The following SLC8A1 variants were observed in gnomAD, a reference collection of about 807,000 sequenced individuals.
The protein encoded by SLC8A1 is sodium/calcium exchanger 1.
In SLC8A1, 18 loss-of-function variants were observed where a neutral mutation model predicts 68.3. The observed-to-expected ratio is 0.26, with a 90% CI of 0.18 to 0.39. The LOEUF is 0.39. Ranked by LOEUF, SLC8A1 falls within the 10% of genes least tolerant of loss-of-function variation. The pLI, the probability that SLC8A1 is intolerant of heterozygous loss-of-function variation, is 1.00. For synonymous variants in SLC8A1, 475 were observed against 415.5 expected (o/e 1.14, Z -1.74); for missense variants, 985 against 1,156.7 (o/e 0.85, Z 2.15).
chr2:40,469,535 G>A (rs1703888502), intron 1 of SLC8A1, among the ~76,000 whole-genome samples: 2 of 152,240 alleles, frequency 1.3e-5, no homozygotes, highest in Non-Finnish European at 1.5e-5. Context: ...TAATAGCAAT[G>A]TGAAAACAGA....
intron 2 of SLC8A1, among the ~76,000 whole-genome samples, chr2:40,273,979 G>C (rs371670677): frequency 6.6e-6 from 1 of 151,128 alleles, no homozygotes. Flanking sequence ...GCGGCATGTC[G>C]GTGTTTATGC....
intron 1 of SLC8A1, 102 bp downstream of exon 1, chr2:40,451,802 G>T: frequency 6.6e-6 from 1 of 151,604 alleles, no homozygotes; most frequent in Admixed American, 6.7e-5. Flanking sequence ...GAAGCCGCTC[G>T]TTTGCCAAAG....
At chr2:40,194,670 G>A (rs947033487) in intron 2 of SLC8A1, among the ~76,000 whole-genome samples, 7 of 151,994 alleles carry the variant, frequency 4.6e-5, no homozygotes, top group Admixed American at 1.3e-4. Flanking sequence ...CCAGTTCCTC[G>A]CCCTTCTTTG....
At chr2:40,482,716 G>A (rs1704709701) in intron 1 of SLC8A1, among the ~76,000 whole-genome samples, 1 of 151,692 alleles carries the variant, frequency 6.6e-6, no homozygotes, top group Non-Finnish European at 1.5e-5. Flanking sequence ...GCCACTTATA[G>A]ACACTTCCTG....
intron 2 of SLC8A1, among the ~76,000 whole-genome samples, chr2:40,218,773 A>G (rs1172443792): frequency 6.6e-6 from 1 of 151,716 alleles, no homozygotes; most frequent in African/African-American, 2.4e-5. Context: ...AGATTGGTAG[A>G]CCTGTTTCTT....
intron 2 of SLC8A1, among the ~76,000 whole-genome samples, chr2:40,310,928 T>C (rs1014994783): frequency 1.3e-5 from 2 of 152,332 alleles, no homozygotes; most frequent in Non-Finnish European, 2.9e-5. Context: ...AAGAAAAGTT[T>C]GATGTTCTTT....
chr2:40,460,809 G>C (rs1294555224), intron 1 of SLC8A1, among the ~76,000 whole-genome samples: 2 of 152,104 alleles, frequency 1.3e-5, no homozygotes, highest in Non-Finnish European at 2.9e-5. Context: ...CTGACCTCAG[G>C]TGATCTGCCC....
At chr2:40,218,562 T>C (rs1472760178) in intron 2 of SLC8A1, among the ~76,000 whole-genome samples, 1 of 152,112 alleles carries the variant, frequency 6.6e-6, no homozygotes, top group Non-Finnish European at 1.5e-5. Context: ...CTGCAATTAA[T>C]TTTGCACCAA....
intron 2 of SLC8A1, among the ~76,000 whole-genome samples, chr2:40,263,252 G>C (rs2064937414): frequency 6.6e-6 from 1 of 152,180 alleles, no homozygotes; most frequent in Non-Finnish European, 1.5e-5. Context: ...CCAACTTGTA[G>C]AGTTGTTGTG....
intron 2 of SLC8A1, among the ~76,000 whole-genome samples, chr2:40,383,354 T>C (rs910935387): frequency 1.3e-5 from 2 of 152,120 alleles, no homozygotes; most frequent in East Asian, 1.9e-4. Context: ...CATTATATTT[T>C]AGAATTGCTC....
chr2:40,356,776 C>T (rs947072819), intron 2 of SLC8A1, among the ~76,000 whole-genome samples: 5 of 152,196 alleles, frequency 3.3e-5, no homozygotes, highest in African/African-American at 1.2e-4. Context: ...GCTGTCAACT[C>T]TCCCAACTCT....
At chr2:40,152,128 A>C (rs1037604918) in intron 6 of SLC8A1, among the ~76,000 whole-genome samples, 11 of 152,208 alleles carry the variant, frequency 7.2e-5, no homozygotes, top group African/African-American at 2.4e-4. Flanking sequence ...TCTTGATTAA[A>C]GTTAGAGTCC....
At chr2:40,332,473 A>G (rs1214872241) in intron 2 of SLC8A1, among the ~76,000 whole-genome samples, 1 of 152,070 alleles carries the variant, frequency 6.6e-6, no homozygotes, top group African/African-American at 2.4e-5. Flanking sequence ...ATGTATCTTT[A>G]TCCCGTGAGT....
intron 1 of SLC8A1, among the ~76,000 whole-genome samples, chr2:40,476,569 T>C (rs112294489): frequency 6.6e-6 from 1 of 152,160 alleles, no homozygotes; most frequent in Admixed American, 6.6e-5. Flanking sequence ...GAGACCTTAA[T>C]AAAGTAAGGG....
At chr2:40,194,197 G>C (rs1370187301) in intron 2 of SLC8A1, among the ~76,000 whole-genome samples, 3 of 152,052 alleles carry the variant, frequency 2.0e-5, no homozygotes, top group Non-Finnish European at 4.4e-5. Flanking sequence ...CCGTGAGTAG[G>C]TTTGGCAAGC....
chr2:40,490,718 T>G (rs1260855548), intron 1 of SLC8A1, among the ~76,000 whole-genome samples: 11 of 152,014 alleles, frequency 7.2e-5, no homozygotes, highest in African/African-American at 2.4e-4. Context: ...ATGAAAGACT[T>G]CTAACGTCAA....
rs545488491 is a variant in SLC8A1 at position 40,223,308 on chromosome 2, T to G, written c.1809-45453A>C. On this transcript the variant is annotated intron_variant, in intron 2 of 7. Coordinates refer to ENST00000406785, the Ensembl canonical transcript of SLC8A1. ...ACATGTTCTCACTCATAAGTGGGAG[T>G]TGAACAATGAGAACACATGGACACA... is the stretch of plus-strand genomic sequence containing the variant. 7.2e-5 allele frequency among the ~76,000 whole-genome samples: 11 copies of G among 151,794 alleles called. No homozygotes were observed. In the East Asian group the frequency reaches 7.8e-4, roughly 11 times the overall value.
intron 2 of SLC8A1, among the ~76,000 whole-genome samples, chr2:40,315,532 C>G (rs969370233): frequency 6.0e-5 from 9 of 149,184 alleles, no homozygotes; most frequent in Non-Finnish European, 8.9e-5. Flanking sequence ...TAGTATTGAA[C>G]TAGCGTTTAA....
chr2:40,228,814 CA>C lies in SLC8A1; in HGVS notation c.1809-50960del, dbSNP rs545176082. ...TGATCACCAATCCAAGGTGAGGTGT[CA>C]GGGGTGGAGGAGGGTGGAAAAAAGC... On this transcript the variant is annotated intron_variant, in intron 2 of 7. Transcript: ENST00000406785. Among the ~76,000 whole-genome samples the C allele has an allele frequency of 9.4e-4, 143 of 152,180 alleles. 2 individuals are homozygous for C. Among genetic ancestry groups the C allele is most frequent in the African/African-American group, 3.3e-3 (137 of 41,526 alleles).
Sources: allele counts gnomAD v4.1 joint callset (sites outside exome capture counted in the v4.1 genomes callset), GRCh38; gene constraint gnomAD v4.1.1; transcripts MANE v1.5; gene names NCBI Gene and HGNC (gene_info 2026-07-23, HGNC 2026-07-21).